NUDT5: variants seen among roughly 807,000 people sequenced by gnomAD.
The protein encoded by NUDT5 is ADP-sugar pyrophosphatase.
NUDT5 carries 21 observed loss-of-function variants against 34.1 expected under a neutral mutation model. That is an observed-to-expected ratio of 0.62 (90% confidence interval 0.44 to 0.89). The LOEUF (loss-of-function observed/expected upper bound fraction) is 0.89. Ranked by LOEUF, NUDT5 falls within the 40% of genes least tolerant of loss-of-function variation. The probability of loss-of-function intolerance (pLI) is 0.00; values close to 1 mark genes in which losing one functional copy is unlikely to be tolerated. For missense variants in NUDT5, 249 were observed against 274.8 expected, an observed-to-expected ratio of 0.91 and a Z score of 0.66; for synonymous variants, 85 against 97.6, an observed-to-expected ratio of 0.87 and a Z score of 0.76.
intron 1 of NUDT5, among the ~76,000 whole-genome samples, chr10:12,190,151 A>G (rs1476684570): frequency 1.3e-5 from 2 of 152,196 alleles, no homozygotes; most frequent in African/African-American, 4.8e-5. Flanking sequence ...GGCCTGCCAA[A>G]GTGCTGGAAT....
rs1835035721 is a variant in NUDT5 at position 12,181,181 on chromosome 10, G to T, written c.132-2049C>A. Among the ~76,000 whole-genome samples the T allele has an allele frequency of 6.6e-6, 1 of 152,172 alleles. No homozygotes were observed. Among genetic ancestry groups the T allele is most frequent in the Non-Finnish European group, 1.5e-5 (1 of 68,036 alleles). Reference sequence around the variant, plus strand: ...TTGCCATTATTCCCTAAACAATAGAGTACGACTGTTGACACAGCATTTGCA... The same window carrying T: ...TTGCCATTATTCCCTAAACAATAGATTACGACTGTTGACACAGCATTTGCA... On this transcript the variant is annotated intron_variant, in intron 3 of 9. Transcript: ENST00000491614. The surrounding 1 kb of genome is among the most constrained non-coding windows in gnomAD (Gnocchi z 5.0).
Position 12,170,951 on chromosome 10 carries a change from T to G in NUDT5, c.488-43A>C. The G allele has an allele frequency of 6.2e-7, 1 of 1,606,756 alleles. No homozygotes were observed. On this transcript the variant is annotated intron_variant, in intron 7 of 9. Coordinates refer to ENST00000491614, the MANE Select transcript of NUDT5 (RefSeq NM_014142.4). The surrounding 1 kb of genome is among the most constrained non-coding windows in gnomAD (Gnocchi z 4.9). ...GAAAACATTTCAGCAAGGCCTGGAG[T>G]GGTAACATCGGAAGACTTTTATACA...
At chr10:12,183,791 T>C (rs976159765) in intron 3 of NUDT5, among the ~76,000 whole-genome samples, 10 of 152,230 alleles carry the variant, frequency 6.6e-5, no homozygotes, top group African/African-American at 2.4e-4. Flanking sequence ...ACACGTTATT[T>C]GGCAGAGTTT....
intron 4 of NUDT5, 76 bp downstream of exon 4, chr10:12,179,007 G>C: frequency 8.4e-7 from 1 of 1,192,034 alleles, no homozygotes; most frequent in African/African-American, 1.5e-5. Context: ...AGTTAACTTG[G>C]TTCCATTGAA....
At chr10:12,178,147 A>AT (rs1554802877) in intron 4 of NUDT5, among the ~76,000 whole-genome samples, 3 of 152,212 alleles carry the variant, frequency 2.0e-5, no homozygotes, top group African/African-American at 7.2e-5. Flanking sequence ...TAAAATCGGA[A>AT]TAAAACGAAA....
chr10:12,168,950 A>T lies in NUDT5; in HGVS notation c.551-1139T>A, dbSNP rs1834782200. On this transcript the variant is annotated intron_variant, in intron 9 of 9. Transcript: ENST00000491614. The surrounding 1 kb of genome is among the most constrained non-coding windows in gnomAD (Gnocchi z 4.8). The stretch of plus-strand genomic sequence containing the variant: ...GCTAATTTTTGTATTTTTAGTAGAG[A>T]TGGGGTTTTACTATGTTGGCCAGGC... Among the ~76,000 whole-genome samples, 1 of 151,870 alleles carries T rather than the reference A, an allele frequency of 6.6e-6. No homozygotes were observed.
Position 12,178,209 on chromosome 10 carries a change from C to A in NUDT5, c.182-309G>T, listed in dbSNP as rs573847510. ...GGTTTCTGACTACACTGACCTTCCA[C>A]AGAACCACTTTCCAGCGTGTGGCAG... On this transcript the variant is annotated intron_variant, in intron 4 of 9. Transcript: ENST00000491614. Among the ~76,000 whole-genome samples the A allele has an allele frequency of 5.3e-5, 8 of 152,282 alleles. No individual in the cohort carries two copies. The South Asian group carries it at 1.5e-3, about 28-fold the overall frequency.
intron 7 of NUDT5, chr10:12,172,477 C>T (rs1325191539): frequency 1.2e-5 from 5 of 429,648 alleles, no homozygotes; most frequent in Non-Finnish European, 2.1e-5. Context: ...CTGTTTACTA[C>T]TTAAGCCTGC....
In NUDT5 at chr10:12,168,612, A is replaced by G. The variant is rs1378856162; in HGVS notation, c.551-801T>C. On this transcript the variant is annotated intron_variant, in intron 9 of 9. Transcript: ENST00000491614. This position sits in a 1 kb window ranked among gnomAD's most constrained non-coding sequence, Gnocchi z 4.8. Reference sequence around the variant, plus strand: ...GTTTCACTCAGATGGAGGTTGCCAGATGTAAAATCAGCCTCTTGTTTTCCT... The same window carrying G: ...GTTTCACTCAGATGGAGGTTGCCAGGTGTAAAATCAGCCTCTTGTTTTCCT... 6.6e-6 allele frequency among the ~76,000 whole-genome samples: 1 copy of G among 152,180 alleles called. No homozygotes were observed. The highest frequency in any genetic ancestry group is 1.5e-5 in the Non-Finnish European group (1 of 68,026).
chr10:12,170,673 G>GAT lies in NUDT5; in HGVS notation c.550+43_550+44insAT, dbSNP rs200944460. 3.0e-3 allele frequency: 4,674 copies of GAT among 1,581,112 alleles called. 130 individuals carry two copies. In the African/African-American group the frequency reaches 0.057, roughly 19 times the overall value. On this transcript the variant is annotated intron_variant, in intron 9 of 9. Transcript: ENST00000491614. The surrounding 1 kb of genome is among the most constrained non-coding windows in gnomAD (Gnocchi z 4.9). ...GTACCCAGTTTGCTGGGATGGGGAC[G>GAT]GGGAGAACTGGAGAAACTGGGTGGC...
chr10:12,187,508 A>C lies in NUDT5; in HGVS notation c.-41-1176T>G, dbSNP rs1835149495. Among the ~76,000 whole-genome samples, 1 of 152,060 alleles carries C rather than the reference A, an allele frequency of 6.6e-6. No individual in the cohort carries two copies. Among genetic ancestry groups the C allele is most frequent in the South Asian group, 2.1e-4 (1 of 4,816 alleles). On this transcript the variant is annotated intron_variant, in intron 1 of 9. Transcript: ENST00000491614. This position sits in a 1 kb window ranked among gnomAD's most constrained non-coding sequence, Gnocchi z 5.4. Reference sequence around the variant, plus strand: ...TTCGGACCTTGCCTGTCCGAAGGTCAAAGTCTTTTTTTCTTACCCACACAC... The same window carrying C: ...TTCGGACCTTGCCTGTCCGAAGGTCCAAGTCTTTTTTTCTTACCCACACAC...
rs1834649120 is a variant in NUDT5, at chr10:12,165,501, T to G, written c.*2201A>C. On this transcript the variant is annotated 3_prime_UTR_variant, in exon 10 of 10. Transcript: ENST00000491614. ...GTCAAATGTAATTACACTTCAAACT[T>G]TAATCCTAAATTATTGACAGATAGA... 1 of 333,858 alleles carries G rather than the reference T, an allele frequency of 3.0e-6. No homozygotes were observed. The highest frequency in any genetic ancestry group is 4.3e-6 in the Non-Finnish European group (1 of 234,544). 20.7% of individuals were successfully genotyped at this position (333,858 alleles called of 1,614,324 possible). A position where few individuals can be genotyped will look rare whatever the true frequency, so the allele number is the denominator to read the frequency against.
intron 1 of NUDT5, among the ~76,000 whole-genome samples, chr10:12,192,489 GAATC>G (rs1187919546): frequency 6.6e-6 from 1 of 152,048 alleles, no homozygotes; most frequent in Non-Finnish European, 1.5e-5. Flanking sequence ...AAGGAACAAA[GAATC>G]AAATAATTTG....
At position 12,167,096 on chromosome 10, in the gene NUDT5, T is replaced by C. The variant is rs1305651819; in HGVS notation, c.*606A>G. On this transcript the variant is annotated 3_prime_UTR_variant, in exon 10 of 10. Transcript: ENST00000491614. ...AGTCTCCTAGCCTTGGTGTAGTGAA[T>C]GGAGTCAACCGTTTTCCTTACTTAA... 1.2e-5 allele frequency: 2 copies of C among 163,310 alleles called. No homozygotes were observed. The highest frequency in any genetic ancestry group is 2.7e-5 in the Non-Finnish European group (2 of 74,514). 10.1% of individuals were successfully genotyped at this position (163,310 alleles called of 1,614,324 possible).
intron 3 of NUDT5, chr10:12,184,445 T>A: frequency 6.6e-7 from 1 of 1,512,756 alleles, no homozygotes; most frequent in African/African-American, 1.4e-5. Context: ...AAATAGGGTG[T>A]ACAAAATGTT....
intron 1 of NUDT5, among the ~76,000 whole-genome samples, chr10:12,195,437 C>T (rs946014864): frequency 2.6e-5 from 4 of 152,214 alleles, no homozygotes; most frequent in Non-Finnish European, 4.4e-5. Context: ...CGCCTTTTAC[C>T]TCCCAAAGTC....
intron 1 of NUDT5, among the ~76,000 whole-genome samples, chr10:12,192,623 G>A (rs928332009): frequency 2.6e-5 from 4 of 152,142 alleles, no homozygotes; most frequent in Non-Finnish European, 5.9e-5. Flanking sequence ...GGAGGCCAAG[G>A]CAGGTGGATC....
chr10:12,191,654 A>G (rs1042503210), intron 1 of NUDT5, among the ~76,000 whole-genome samples: 1 of 152,194 alleles, frequency 6.6e-6, no homozygotes, highest in African/African-American at 2.4e-5. Flanking sequence ...GTGGAGGCTG[A>G]GGTGGGAGGA....
chr10:12,179,210 A>C, intron 3 of NUDT5, 78 bp from the exon 4 acceptor site: 1 of 1,199,958 alleles, frequency 8.3e-7, no homozygotes, highest in Non-Finnish European at 1.2e-6. Context: ...TACAACCAGA[A>C]CTTCTTAAAT....
Sources: allele counts gnomAD v4.1 joint callset (sites outside exome capture counted in the v4.1 genomes callset), GRCh38; gene constraint gnomAD v4.1.1; non-coding constraint Gnocchi (gnomAD v3.1); transcripts MANE v1.5; gene names NCBI Gene and HGNC (gene_info 2026-07-23, HGNC 2026-07-21).